NINJ2: variants seen among roughly 807,000 people sequenced by gnomAD.
The protein encoded by NINJ2 is ninjurin-2.
Under a neutral mutation model 11.7 loss-of-function variants are expected in NINJ2, and 12 were observed. The observed-to-expected ratio is 1.02, with a 90% CI of 0.66 to 1.66. The LOEUF (loss-of-function observed/expected upper bound fraction) is 1.66, where lower values mean the gene tolerates loss of function less well. NINJ2 is among the 40% of genes most tolerant of loss of function. NINJ2 has a pLI of 0.00. For missense variants in NINJ2, 187 were observed against 181.8 expected, an observed-to-expected ratio of 1.03 and a Z score of -0.16; for synonymous variants, 93 against 76.8, an observed-to-expected ratio of 1.21 and a Z score of -1.10.
chr12:586,190 G>A (rs1947636560), intron 1 of NINJ2: 1 of 152,260 alleles, frequency 6.6e-6, no homozygotes, highest in South Asian at 2.1e-4. Flanking sequence ...ACCAAATGCA[G>A]GACCCTTCTC....
At chr12:609,629 G>T (rs1947999542) in intron 1 of NINJ2, among the ~76,000 whole-genome samples, 1 of 151,950 alleles carries the variant, frequency 6.6e-6, no homozygotes, top group Admixed American at 6.6e-5. Flanking sequence ...AAATTAGCCG[G>T]GCGTGGTGGC....
At chr12:612,879 C>T (rs1948050232) in intron 1 of NINJ2, among the ~76,000 whole-genome samples, 1 of 152,146 alleles carries the variant, frequency 6.6e-6, no homozygotes, top group Non-Finnish European at 1.5e-5. Flanking sequence ...ATAGAAGGTC[C>T]TGAGGTGAAC....
intron 1 of NINJ2, among the ~76,000 whole-genome samples, chr12:602,735 T>A (rs1286915228): frequency 1.3e-5 from 2 of 152,226 alleles, no homozygotes; most frequent in Non-Finnish European, 2.9e-5. Flanking sequence ...AGTAGGAGAT[T>A]CCAGTTTCTC....
At chr12:651,669 A>G (rs535226320) in intron 1 of NINJ2, among the ~76,000 whole-genome samples, 62 of 152,226 alleles carry the variant, frequency 4.1e-4, no homozygotes, top group Non-Finnish European at 7.3e-4. Context: ...TAAAACAACT[A>G]TGATGAATAT....
chr12:580,606 T>A lies in NINJ2; in HGVS notation c.34-14428A>T, dbSNP rs910098653. Among the ~76,000 whole-genome samples, 61 of 151,094 alleles carry A rather than the reference T, an allele frequency of 4.0e-4. No homozygotes were observed. Among genetic ancestry groups the A allele is most frequent in the African/African-American group, 4.6e-4 (19 of 41,096 alleles). On this transcript the variant is annotated intron_variant, in intron 1 of 3. Transcript: ENST00000305108. The surrounding 1 kb of genome is among the most constrained non-coding windows in gnomAD (Gnocchi z 4.7). Reference sequence around the variant, plus strand: ...TGTCTCAAAAAAAAAAAAATATATATATATATATATCCATTTGTCATTCAC... The same window carrying A: ...TGTCTCAAAAAAAAAAAAATATATAAATATATATATCCATTTGTCATTCAC...
chr12:577,564 C>T (rs1947487146), intron 1 of NINJ2, among the ~76,000 whole-genome samples: 1 of 150,734 alleles, frequency 6.6e-6, no homozygotes, highest in South Asian at 2.1e-4. Context: ...GAAGTTGAGG[C>T]TCAAAGAGGT....
chr12:637,252 G>A (rs1948363293), intron 1 of NINJ2, among the ~76,000 whole-genome samples: 1 of 152,134 alleles, frequency 6.6e-6, no homozygotes, highest in African/African-American at 2.4e-5. Context: ...AGGAGGCTGA[G>A]GCAGGAGAAT....
At position 650,829 on chromosome 12, in the gene NINJ2, G is replaced by A. The variant is rs564163219; in HGVS notation, c.33+12499C>T. Among the ~76,000 whole-genome samples the A allele has an allele frequency of 2.9e-3, 447 of 152,266 alleles. 3 individuals carry two copies. Among genetic ancestry groups the A allele is most frequent in the African/African-American group, 9.8e-3 (409 of 41,544 alleles). On this transcript the variant is annotated intron_variant, in intron 1 of 3. Coordinates refer to ENST00000305108, the MANE Select transcript of NINJ2 (RefSeq NM_016533.6). ...TTGGAATTAGCCACTCTATCCTAAC[G>A]AGTAAAAAGCTGAAGAAACGGAAAA...
intron 1 of NINJ2, among the ~76,000 whole-genome samples, chr12:567,258 A>T: frequency 6.6e-6 from 1 of 151,890 alleles, no homozygotes; most frequent in Non-Finnish European, 1.5e-5. Flanking sequence ...GAAGGATGCT[A>T]TGGCCTGGAG....
At chr12:568,488 G>T (rs1947331421) in intron 1 of NINJ2, among the ~76,000 whole-genome samples, 1 of 152,284 alleles carries the variant, frequency 6.6e-6, no homozygotes, top group African/African-American at 2.4e-5. Flanking sequence ...CATTCAAGAG[G>T]CACAGGGTGG....
chr12:605,362 C>T (rs1280171015), intron 1 of NINJ2, among the ~76,000 whole-genome samples: 2 of 152,238 alleles, frequency 1.3e-5, no homozygotes, highest in Non-Finnish European at 2.9e-5. Context: ...TTCCCCAACA[C>T]CTATCCCCAG....
At chr12:653,546 A>T (rs973799233) in intron 1 of NINJ2, among the ~76,000 whole-genome samples, 1 of 152,182 alleles carries the variant, frequency 6.6e-6, no homozygotes, top group East Asian at 1.9e-4. Context: ...GTATAGTGTT[A>T]TTTGAAAGTG....
chr12:577,539 C>G (rs181454523), intron 1 of NINJ2, among the ~76,000 whole-genome samples: 40 of 149,902 alleles, frequency 2.7e-4, no homozygotes, highest in Non-Finnish European at 4.1e-4. Context: ...GATGTAGTCC[C>G]ATTCTACAAG....
chr12:609,415 C>G (rs11615301), intron 1 of NINJ2, among the ~76,000 whole-genome samples: 31,827 of 151,006 alleles, frequency 0.21, 3,646 homozygotes, highest in East Asian at 0.3. Flanking sequence ...CAGCCCAATT[C>G]TCTTTTCCAT....
intron 1 of NINJ2, among the ~76,000 whole-genome samples, chr12:603,833 G>A (rs1356652853): frequency 6.6e-6 from 1 of 151,888 alleles, no homozygotes; most frequent in Non-Finnish European, 1.5e-5. Context: ...GCTAATTTTT[G>A]TATTTTTAAT....
At chr12:656,840 T>C (rs867937634) in intron 1 of NINJ2, among the ~76,000 whole-genome samples, 1 of 151,618 alleles carries the variant, frequency 6.6e-6, no homozygotes, top group South Asian at 2.1e-4. Flanking sequence ...AACAGAATAA[T>C]GAACCCAGAA....
At chr12:565,709 G>A (rs1454925144) in intron 2 of NINJ2, 10 of 622,798 alleles carry the variant, frequency 1.6e-5, no homozygotes, top group Admixed American at 7.7e-5. Context: ...TGCTGGCGCA[G>A]TCATTCAGCA....
Position 565,332 on chromosome 12 carries a change from A to G in NINJ2, c.332T>C (p.Leu111Ser). 1 of 1,614,234 alleles carries G rather than the reference A, an allele frequency of 6.2e-7. No homozygotes were observed. Among genetic ancestry groups the G allele is most frequent in the Non-Finnish European group, 8.5e-7 (1 of 1,180,038 alleles). The change falls in exon 3 of 4, where the codon TTG becomes TCG. Residue 111 changes from leucine to serine, a missense_variant. By Grantham distance (145) the Leu-to-Ser change is moderately radical. Transcript: ENST00000305108. ...ATTGATGACCACAGTGAAGAAGACC[A>G]AGATGGTGGCTGCGTTGTTGAGCTG... is the stretch of plus-strand genomic sequence containing the variant. The part of the protein sequence containing the change: ...LNQLNNAATI[L>S]VFFTVVINVF...
rs1169326177 is a variant in NINJ2 at position 611,279 on chromosome 12, CTCTT to C, written c.34-45105_34-45102del. Among the ~76,000 whole-genome samples, 30 of 139,098 alleles carry C rather than the reference CTCTT, an allele frequency of 2.2e-4. No individual in the cohort carries two copies. The East Asian group carries it at 4.3e-3, about 20-fold the overall frequency. The allele number at this position is 139,098 out of a possible 152,430, so 91.3% of individuals were successfully genotyped here. On this transcript the variant is annotated intron_variant, in intron 1 of 3. Transcript: ENST00000305108. ...TCTCTTTCTTTCTTTCTTTCTCTCTCTCTTTCTTTCTCTTCCTTCCTTCCTTTCT... is the reference window on the plus strand; with the variant it reads ...TCTCTTTCTTTCTTTCTTTCTCTCTCTCTTTCTCTTCCTTCCTTCCTTTCT...
Sources: allele counts gnomAD v4.1 joint callset (sites outside exome capture counted in the v4.1 genomes callset), GRCh38; gene constraint gnomAD v4.1.1; non-coding constraint Gnocchi (gnomAD v3.1); transcripts MANE v1.5; gene names NCBI Gene and HGNC (gene_info 2026-07-23, HGNC 2026-07-21).